Variants in DLGAP1 observed in about 807,000 individuals in gnomAD.
DLGAP1 encodes the protein DLG associated protein 1.
Under a neutral mutation model 90.8 loss-of-function variants are expected in DLGAP1, and 11 were observed. The ratio of observed to expected loss-of-function variants is 0.12; its 90% CI spans 0.08 to 0.20. The LOEUF (loss-of-function observed/expected upper bound fraction) is 0.20. Among genes scored for constraint, DLGAP1 ranks in the 10% least tolerant of loss-of-function variants. The pLI is 1.00. For synonymous variants in DLGAP1, 558 were observed against 540.7 expected (o/e 1.03, Z -0.44); for missense variants, 1,050 against 1,333.8 (o/e 0.79, Z 3.31).
chr18:4,442,030 C>T (rs577192678), intron 1 of DLGAP1, among the ~76,000 whole-genome samples: 7 of 152,292 alleles, frequency 4.6e-5, no homozygotes, highest in African/African-American at 1.4e-4. Flanking sequence ...CTCACTCTGT[C>T]GCCCAGGCTG....
chr18:4,019,837 G>A (rs1320741813), intron 2 of DLGAP1, among the ~76,000 whole-genome samples: 9 of 151,926 alleles, frequency 5.9e-5, no homozygotes, highest in Admixed American at 1.3e-4. Context: ...ACATACACAC[G>A]CACACACCCC....
At chr18:4,308,290 A>G (rs977776198) in intron 1 of DLGAP1, among the ~76,000 whole-genome samples, 1 of 152,180 alleles carries the variant, frequency 6.6e-6, no homozygotes, top group Non-Finnish European at 1.5e-5. Context: ...GAGGTACTCT[A>G]TAACTGTACT....
At position 3,541,990 on chromosome 18, in the gene DLGAP1, G is replaced by A. The variant is rs1461997643; in HGVS notation, c.2058-7375C>T. Among the ~76,000 whole-genome samples, 5 of 152,128 alleles carry A rather than the reference G, an allele frequency of 3.3e-5. No individual in the cohort carries two copies. The South Asian group carries it at 6.2e-4, about 19-fold the overall frequency. ...GTGGCTCTCATAATATGTCACCGGGGCTTTCCTTCAACACCTCTGACTCAG... is the reference window on the plus strand; with the variant it reads ...GTGGCTCTCATAATATGTCACCGGGACTTTCCTTCAACACCTCTGACTCAG... On this transcript the variant is annotated intron_variant, in intron 9 of 12. Coordinates refer to ENST00000315677, the MANE Select transcript of DLGAP1 (RefSeq NM_004746.4).
At chr18:3,973,193 G>A (rs985684970) in intron 3 of DLGAP1, among the ~76,000 whole-genome samples, 4 of 147,008 alleles carry the variant, frequency 2.7e-5, no homozygotes, top group Non-Finnish European at 5.9e-5. Flanking sequence ...ATTCTATAAG[G>A]AACACAGAAA....
At chr18:3,795,528 A>G (rs966922929) in intron 5 of DLGAP1, among the ~76,000 whole-genome samples, 1 of 152,034 alleles carries the variant, frequency 6.6e-6, no homozygotes, top group Middle Eastern at 3.2e-3. Flanking sequence ...GTTGGCCAGG[A>G]TGGTCTCGAT....
intron 5 of DLGAP1, among the ~76,000 whole-genome samples, chr18:3,787,952 A>G (rs2065538168): frequency 6.6e-6 from 1 of 152,136 alleles, no homozygotes; most frequent in African/African-American, 2.4e-5. Flanking sequence ...TATTAACTGG[A>G]CTTATATCAC....
intron 2 of DLGAP1, among the ~76,000 whole-genome samples, chr18:4,105,018 C>T (rs2075836574): frequency 6.6e-6 from 1 of 152,204 alleles, no homozygotes; most frequent in South Asian, 2.1e-4. Context: ...CGCACACACA[C>T]ACACATGCAC....
chr18:3,524,451 A>T (rs1232272829), intron 10 of DLGAP1, among the ~76,000 whole-genome samples: 1 of 152,198 alleles, frequency 6.6e-6, no homozygotes, highest in Non-Finnish European at 1.5e-5. Flanking sequence ...GAATAAGTAG[A>T]CTTTAGCTGC....
At chr18:4,064,409 A>G (rs2075341967) in intron 2 of DLGAP1, among the ~76,000 whole-genome samples, 1 of 147,554 alleles carries the variant, frequency 6.8e-6, no homozygotes, top group Admixed American at 6.8e-5. Flanking sequence ...TGAATCCACG[A>G]GATTTTTCTT....
chr18:3,546,623 C>T (rs2053038754), intron 9 of DLGAP1, among the ~76,000 whole-genome samples: 1 of 150,134 alleles, frequency 6.7e-6, no homozygotes, highest in Non-Finnish European at 1.5e-5. Flanking sequence ...GACTAGGTAA[C>T]ACACTTCTAA....
intron 2 of DLGAP1, among the ~76,000 whole-genome samples, chr18:4,137,672 T>C (rs887970583): frequency 1.3e-5 from 2 of 152,174 alleles, no homozygotes; most frequent in Non-Finnish European, 2.9e-5. Context: ...AGAATATCTT[T>C]GGTATTTTGA....
intron 5 of DLGAP1, among the ~76,000 whole-genome samples, chr18:3,794,026 C>T (rs753002356): frequency 6.6e-6 from 1 of 152,192 alleles, no homozygotes; most frequent in East Asian, 1.9e-4. Flanking sequence ...CAGCACAGTG[C>T]CTGGTACACA....
intron 7 of DLGAP1, among the ~76,000 whole-genome samples, chr18:3,629,841 G>A (rs1027891785): frequency 2.0e-5 from 3 of 152,126 alleles, no homozygotes; most frequent in Non-Finnish European, 4.4e-5. Context: ...TCCCTTTCTT[G>A]TGAAGGGCAA....
chr18:3,768,189 C>T (rs77823076), intron 5 of DLGAP1, among the ~76,000 whole-genome samples: 2,471 of 152,178 alleles, frequency 0.016, 81 homozygotes, highest in African/African-American at 0.056. Flanking sequence ...ATTAAAAATC[C>T]AATACCATTT....
intron 1 of DLGAP1, among the ~76,000 whole-genome samples, chr18:4,380,102 T>C (rs1392027354): frequency 6.6e-6 from 1 of 152,084 alleles, no homozygotes; most frequent in Non-Finnish European, 1.5e-5. Flanking sequence ...ATAAATGAGA[T>C]AGATGAAAAA....
At chr18:3,995,428 T>A (rs2074048777) in intron 3 of DLGAP1, 1 of 152,232 alleles carries the variant, frequency 6.6e-6, no homozygotes. Context: ...TACTCTTTTG[T>A]ATCTTCTTCG....
intron 5 of DLGAP1, among the ~76,000 whole-genome samples, chr18:3,751,747 T>C (rs1480511035): frequency 6.6e-6 from 1 of 151,850 alleles, no homozygotes; most frequent in Non-Finnish European, 1.5e-5. Context: ...GTATTTTTAG[T>C]AGAGACAGGG....
chr18:4,136,073 G>A (rs7237822), intron 2 of DLGAP1, among the ~76,000 whole-genome samples: 59 of 151,386 alleles, frequency 3.9e-4, no homozygotes, highest in African/African-American at 1.4e-3. Context: ...GTGTCGAAGT[G>A]TTCTCATTGT....
intron 10 of DLGAP1, among the ~76,000 whole-genome samples, chr18:3,530,252 T>A (rs532167282): frequency 1.2e-3 from 176 of 152,018 alleles, no homozygotes; most frequent in Middle Eastern, 3.4e-3. Context: ...TAAAATTTTT[T>A]AAAAATTAGC....
Sources: gnomAD v4.1 joint callset for allele counts (sites outside exome capture counted in the v4.1 genomes callset) on GRCh38, gnomAD v4.1.1 for gene constraint, MANE v1.5 for transcripts, NCBI Gene and HGNC (gene_info 2026-07-23, HGNC 2026-07-21) for gene names.